Variants in SPIN1 observed in about 807,000 individuals in gnomAD.
SPIN1 encodes spindlin-1.
In SPIN1, 3 loss-of-function variants were observed where a neutral mutation model predicts 26.0. The observed-to-expected ratio is 0.12, with a 90% CI of 0.05 to 0.30. SPIN1 has a LOEUF of 0.30. SPIN1 is among the 10% of genes least tolerant of loss of function. The pLI, the probability that SPIN1 is intolerant of heterozygous loss-of-function variation, is 1.00. For synonymous variants in SPIN1, 101 were observed against 116.5 expected (o/e 0.87, Z 0.86); for missense variants, 126 against 333.4 (o/e 0.38, Z 4.84).
At chr9:88,424,861 G>A (rs1292450144) in intron 1 of SPIN1, among the ~76,000 whole-genome samples, 2 of 152,176 alleles carry the variant, frequency 1.3e-5, no homozygotes, top group Admixed American at 1.3e-4. Context: ...TGTCAAGAAT[G>A]TTGATGGGAT....
At chr9:88,411,023 C>T (rs1225650887) in intron 1 of SPIN1, 4 of 1,581,310 alleles carry the variant, frequency 2.5e-6, no homozygotes, top group African/African-American at 2.7e-5. Flanking sequence ...AAAGGCAAAG[C>T]CCCTTTTCTT....
intron 2 of SPIN1, among the ~76,000 whole-genome samples, chr9:88,437,909 C>T (rs1309957924): frequency 6.6e-6 from 1 of 152,108 alleles, no homozygotes; most frequent in East Asian, 1.9e-4. Context: ...CCTGCAATCC[C>T]AGCACTTTGG....
chr9:88,427,159 C>A (rs1183695928), intron 2 of SPIN1, among the ~76,000 whole-genome samples: 1 of 152,104 alleles, frequency 6.6e-6, no homozygotes, highest in East Asian at 1.9e-4. Flanking sequence ...GTCATACTTT[C>A]TTTGGGACTT....
At chr9:88,395,172 TC>T (rs1827027728) in intron 1 of SPIN1, among the ~76,000 whole-genome samples, 1 of 152,094 alleles carries the variant, frequency 6.6e-6, no homozygotes, top group African/African-American at 2.4e-5. Flanking sequence ...AAAAATCTGA[TC>T]TGTGTTAAAA....
intron 2 of SPIN1, among the ~76,000 whole-genome samples, chr9:88,444,318 G>A (rs1418947107): frequency 7.0e-6 from 1 of 142,558 alleles, no homozygotes; most frequent in Non-Finnish European, 1.5e-5. Context: ...GCGGCTCACT[G>A]CAAGCTCCGC....
chr9:88,399,886 G>A (rs879639595), intron 1 of SPIN1, among the ~76,000 whole-genome samples: 1 of 152,206 alleles, frequency 6.6e-6, no homozygotes, highest in Non-Finnish European at 1.5e-5. Context: ...TTCTGTGACT[G>A]CTCTAAAAAT....
intron 3 of SPIN1, among the ~76,000 whole-genome samples, chr9:88,460,445 G>C (rs1020669318): frequency 5.9e-5 from 9 of 152,102 alleles, no homozygotes; most frequent in Non-Finnish European, 1.0e-4. Flanking sequence ...TCTTACGTTA[G>C]GGTTCTCCAG....
chr9:88,434,248 CT>C lies in SPIN1; in HGVS notation c.52+7659del, dbSNP rs571474744. Reference sequence around the variant, plus strand: ...ACAGTTTTGGTTGTATTTTGTTTCTCTTGCATATTATGGTTTAGTATAGTTT... The same window carrying C: ...ACAGTTTTGGTTGTATTTTGTTTCTCTGCATATTATGGTTTAGTATAGTTT... On this transcript the variant is annotated intron_variant, in intron 2 of 5. Coordinates refer to ENST00000375859, the MANE Select transcript of SPIN1 (RefSeq NM_006717.3). Among the ~76,000 whole-genome samples, 391 of 151,894 alleles carry C rather than the reference CT, an allele frequency of 2.6e-3. 2 individuals carry two copies. Among genetic ancestry groups the C allele is most frequent in the African/African-American group, 8.9e-3 (370 of 41,474 alleles).
chr9:88,400,699 A>C (rs1038785205), intron 1 of SPIN1, among the ~76,000 whole-genome samples: 1 of 152,172 alleles, frequency 6.6e-6, no homozygotes, highest in African/African-American at 2.4e-5. Context: ...TACAAAAATT[A>C]AGCGGATATC....
Position 88,422,561 on chromosome 9 carries a change from C to T in SPIN1, c.-158-3821C>T, listed in dbSNP as rs1827689777. 2.6e-5 allele frequency among the ~76,000 whole-genome samples: 4 copies of T among 152,274 alleles called. No individual in the cohort carries two copies. The South Asian group carries it at 6.2e-4, about 24-fold the overall frequency. ...CACTCATTAGTGTTTTCCTTTTGAT[C>T]TGTCTCTGCATTTCTTTCTGGTCTT... On this transcript the variant is annotated intron_variant, in intron 1 of 5. Transcript: ENST00000375859.
At chr9:88,432,916 C>G (rs572052713) in intron 2 of SPIN1, among the ~76,000 whole-genome samples, 1 of 152,188 alleles carries the variant, frequency 6.6e-6, no homozygotes, top group Non-Finnish European at 1.5e-5. Context: ...CCCCCATTTT[C>G]TTTTACACAG....
chr9:88,411,614 A>G (rs1827445425), intron 1 of SPIN1, among the ~76,000 whole-genome samples: 1 of 152,034 alleles, frequency 6.6e-6, no homozygotes, highest in Admixed American at 6.6e-5. Flanking sequence ...CCTGGGCTCA[A>G]GCTGTCCTTC....
At chr9:88,388,910 C>A (rs1271193365) in intron 1 of SPIN1, among the ~76,000 whole-genome samples, 1 of 149,706 alleles carries the variant, frequency 6.7e-6, no homozygotes, top group African/African-American at 2.4e-5. Flanking sequence ...GGGCAGGGGG[C>A]GGCGGCGCTG....
chr9:88,473,293 T>A (rs1399360041), intron 5 of SPIN1, among the ~76,000 whole-genome samples: 1 of 151,990 alleles, frequency 6.6e-6, no homozygotes, highest in Non-Finnish European at 1.5e-5. Flanking sequence ...CTCGGGAGGC[T>A]GAAGCAGAAG....
At chr9:88,446,408 GTTTT>G (rs372052401) in intron 2 of SPIN1, among the ~76,000 whole-genome samples, 3 of 129,858 alleles carry the variant, frequency 2.3e-5, no homozygotes, top group Non-Finnish European at 4.9e-5. Flanking sequence ...TTGGTTTGCT[GTTTT>G]TTTTTTTTTT....
At chr9:88,448,115 C>T (rs1381677281) in intron 2 of SPIN1, among the ~76,000 whole-genome samples, 1 of 151,390 alleles carries the variant, frequency 6.6e-6, no homozygotes, top group Non-Finnish European at 1.5e-5. Context: ...GCAGTCTTGG[C>T]TCACTGCAAC....
intron 2 of SPIN1, among the ~76,000 whole-genome samples, chr9:88,439,323 A>G (rs1348050378): frequency 2.0e-5 from 3 of 152,212 alleles, no homozygotes; most frequent in Non-Finnish European, 4.4e-5. Flanking sequence ...TGATGATGAT[A>G]ACAAACACAG....
intron 1 of SPIN1, among the ~76,000 whole-genome samples, chr9:88,392,592 TCTC>T (rs1826949700): frequency 6.6e-6 from 1 of 151,926 alleles, no homozygotes; most frequent in Non-Finnish European, 1.5e-5. Flanking sequence ...TCTCCTCTCT[TCTC>T]CTTCCTTCCC....
At chr9:88,415,419 A>G (rs773305124) in intron 1 of SPIN1, among the ~76,000 whole-genome samples, 1 of 152,036 alleles carries the variant, frequency 6.6e-6, no homozygotes, top group Non-Finnish European at 1.5e-5. Context: ...CTTAAGTTCC[A>G]TTCATTGTAA....
Sources: gnomAD v4.1 joint callset for allele counts (sites outside exome capture counted in the v4.1 genomes callset) on GRCh38, gnomAD v4.1.1 for gene constraint, MANE v1.5 for transcripts, NCBI Gene and HGNC (gene_info 2026-07-23, HGNC 2026-07-21) for gene names.